LRRC4C: variants seen among roughly 807,000 people sequenced by gnomAD.
LRRC4C encodes the protein leucine rich repeat containing 4C, also known as leucine-rich repeat-containing protein 4C.
LRRC4C carries 5 observed loss-of-function variants against 33.6 expected under a neutral mutation model. The ratio of observed to expected loss-of-function variants is 0.15; its 90% CI spans 0.08 to 0.31. The LOEUF (loss-of-function observed/expected upper bound fraction) is 0.31, where lower values mean the gene tolerates loss of function less well. Among genes scored for constraint, LRRC4C ranks in the 10% least tolerant of loss-of-function variants. The pLI is 1.00. For missense variants in LRRC4C, 560 were observed against 796.7 expected (o/e 0.70, Z 3.58); for synonymous variants, 329 against 302.0 (o/e 1.09, Z -0.93).
At chr11:40,769,955 A>G (rs1949673364) in intron 2 of LRRC4C, among the ~76,000 whole-genome samples, 1 of 152,146 alleles carries the variant, frequency 6.6e-6, no homozygotes. Flanking sequence ...CAAAAGCCTT[A>G]TATCCCCAAC....
chr11:41,217,526 G>T (rs1334549887), intron 1 of LRRC4C, among the ~76,000 whole-genome samples: 1 of 152,070 alleles, frequency 6.6e-6, no homozygotes, highest in Non-Finnish European at 1.5e-5. Flanking sequence ...AAGTATTTAG[G>T]CTTTAAAAAT....
At chr11:41,428,211 G>C (rs1446762324) in intron 1 of LRRC4C, among the ~76,000 whole-genome samples, 1 of 152,056 alleles carries the variant, frequency 6.6e-6, no homozygotes, top group Admixed American at 6.6e-5. Flanking sequence ...CAAGAATTTG[G>C]TTTCTATTCC....
intron 3 of LRRC4C, among the ~76,000 whole-genome samples, chr11:40,632,076 A>G (rs983795065): frequency 2.0e-5 from 3 of 152,208 alleles, no homozygotes; most frequent in Admixed American, 6.6e-5. Flanking sequence ...AGGTAGCAGT[A>G]CCAGATCTAT....
chr11:40,435,122 T>C (rs1951093289), intron 3 of LRRC4C, among the ~76,000 whole-genome samples: 1 of 152,094 alleles, frequency 6.6e-6, no homozygotes, highest in African/African-American at 2.4e-5. Flanking sequence ...ACCACCACCA[T>C]ATGTTGCAAC....
At chr11:40,656,519 C>T (rs1421590398) in intron 2 of LRRC4C, among the ~76,000 whole-genome samples, 1 of 148,506 alleles carries the variant, frequency 6.7e-6, no homozygotes, top group Admixed American at 6.8e-5. Flanking sequence ...GCTTGATGAA[C>T]TCTATTTATG....
intron 1 of LRRC4C, among the ~76,000 whole-genome samples, chr11:41,416,056 G>A (rs1267264707): frequency 6.6e-6 from 1 of 151,928 alleles, no homozygotes; most frequent in Non-Finnish European, 1.5e-5. Flanking sequence ...TCTAGGTTTG[G>A]GGAAGGAGAT....
At chr11:41,346,182 T>G (rs1051899854) in intron 1 of LRRC4C, among the ~76,000 whole-genome samples, 16 of 152,074 alleles carry the variant, frequency 1.1e-4, no homozygotes, top group Non-Finnish European at 2.4e-4. Flanking sequence ...ACAAAGCACA[T>G]TAAAGAGAGG....
chr11:40,356,691 G>A (rs1947686523), intron 3 of LRRC4C, among the ~76,000 whole-genome samples: 1 of 152,168 alleles, frequency 6.6e-6, no homozygotes, highest in Non-Finnish European at 1.5e-5. Context: ...GCCAGTATCA[G>A]TCATAGAGGG....
chr11:40,483,207 A>G (rs1057094233), intron 3 of LRRC4C, among the ~76,000 whole-genome samples: 2 of 152,180 alleles, frequency 1.3e-5, no homozygotes, highest in Non-Finnish European at 2.9e-5. Flanking sequence ...ACTGGGCATC[A>G]TCTTATGCAC....
At chr11:40,916,349 A>G (rs1447376575) in intron 2 of LRRC4C, among the ~76,000 whole-genome samples, 1 of 152,242 alleles carries the variant, frequency 6.6e-6, no homozygotes, top group African/African-American at 2.4e-5. Flanking sequence ...CATATACACC[A>G]TGGAATACTA....
chr11:40,394,957 A>G (rs1430742114), intron 3 of LRRC4C, among the ~76,000 whole-genome samples: 2 of 152,124 alleles, frequency 1.3e-5, no homozygotes, highest in Non-Finnish European at 2.9e-5. Context: ...CAATTATCCA[A>G]CTATTGGCCT....
intron 2 of LRRC4C, among the ~76,000 whole-genome samples, chr11:40,727,334 A>G (rs1245379573): frequency 1.3e-5 from 2 of 152,182 alleles, no homozygotes; most frequent in Non-Finnish European, 2.9e-5. Flanking sequence ...CCCTATTAAT[A>G]AATTGTACTA....
At chr11:41,222,418 G>T (rs1339885814) in intron 1 of LRRC4C, among the ~76,000 whole-genome samples, 1 of 152,090 alleles carries the variant, frequency 6.6e-6, no homozygotes, top group East Asian at 1.9e-4. Flanking sequence ...AGAAAAACTG[G>T]CAACAACTGA....
At chr11:40,473,426 A>G (rs529256867) in intron 3 of LRRC4C, among the ~76,000 whole-genome samples, 1 of 152,320 alleles carries the variant, frequency 6.6e-6, no homozygotes, top group South Asian at 2.1e-4. Context: ...AACTCTCAAT[A>G]AACTTGGTAT....
chr11:41,005,595 C>G (rs142574688), intron 1 of LRRC4C, among the ~76,000 whole-genome samples: 399 of 152,114 alleles, frequency 2.6e-3, no homozygotes, highest in African/African-American at 9.3e-3. Flanking sequence ...CAGAGTGAGA[C>G]TCCATCTCAA....
At chr11:40,369,333 G>GGTT (rs1167876130) in intron 3 of LRRC4C, among the ~76,000 whole-genome samples, 2 of 152,098 alleles carry the variant, frequency 1.3e-5, no homozygotes, top group South Asian at 4.2e-4. Flanking sequence ...TGCAGTTTTT[G>GGTT]GTTGTTGTTG....
intron 2 of LRRC4C, among the ~76,000 whole-genome samples, chr11:40,671,443 AG>A (rs1000520436): frequency 2.6e-5 from 4 of 152,196 alleles, no homozygotes; most frequent in African/African-American, 9.6e-5. Context: ...AGGATTGGGA[AG>A]CAGATAGAGA....
chr11:41,127,393 C>A (rs543596765), intron 1 of LRRC4C, among the ~76,000 whole-genome samples: 1 of 152,014 alleles, frequency 6.6e-6, no homozygotes, highest in Non-Finnish European at 1.5e-5. Flanking sequence ...CTATTTGACA[C>A]AGCCAAACGA....
intron 3 of LRRC4C, among the ~76,000 whole-genome samples, chr11:40,635,543 CAAG>C: frequency 6.6e-6 from 1 of 151,172 alleles, no homozygotes; most frequent in East Asian, 1.9e-4. Context: ...AGTGACAACT[CAAG>C]GAGCTCATAA....
Sources: gnomAD v4.1 joint callset for allele counts (sites outside exome capture counted in the v4.1 genomes callset) on GRCh38, gnomAD v4.1.1 for gene constraint, MANE v1.5 for transcripts, NCBI Gene and HGNC (gene_info 2026-07-23, HGNC 2026-07-21) for gene names.